RANBP2: variants seen among roughly 807,000 people sequenced by gnomAD.
RANBP2 encodes E3 SUMO-protein ligase RanBP2.
In RANBP2, 57 loss-of-function variants were observed where a neutral mutation model predicts 303.6. The observed-to-expected ratio is 0.19, with a 90% confidence interval of 0.15 to 0.23. RANBP2 has a LOEUF of 0.23. Among genes scored for constraint, RANBP2 ranks in the 10% least tolerant of loss-of-function variants. The pLI is 1.00. For synonymous variants in RANBP2, 1,167 were observed against 1,301.5 expected, an observed-to-expected ratio of 0.90 and a Z score of 2.23; for missense variants, 3,138 against 3,780.8, an observed-to-expected ratio of 0.83 and a Z score of 4.46.
chr2:109,675,414 G>T, the RANBP2 span, among the ~76,000 whole-genome samples: 4 of 152,162 alleles, frequency 2.6e-5, no homozygotes, highest in Admixed American at 1.3e-4. Flanking sequence ...AGGTGCGGTG[G>T]CTCATGCTTG....
chr2:108,910,651 C>G, the RANBP2 span: 5 of 1,413,132 alleles, frequency 3.5e-6, no homozygotes, highest in African/African-American at 2.8e-5. Context: ...TGGCACCACC[C>G]CACGGTAAGC....
Position 108,735,638 on chromosome 2 carries a change from T to A in RANBP2, c.512T>A (p.Leu171Gln). 1.3e-6 allele frequency: 2 copies of A among 1,597,628 alleles called. No individual in the cohort carries two copies. Among genetic ancestry groups the A allele is most frequent in the Non-Finnish European group, 1.7e-6 (2 of 1,179,792 alleles). Residue 171 changes from leucine to glutamine, a missense_variant, in exon 5 of 29, where the codon CTA (leucine) becomes CAA (glutamine). Leu to Gln is a moderately radical substitution (Grantham distance 113). This residue lies in a region of RANBP2 where 306 missense variants were observed against 381.9 expected (regional missense o/e 0.80). Coordinates refer to ENST00000283195, the MANE Select transcript of RANBP2 (RefSeq NM_006267.5). ...GATGACGTCCATGTGAACATCCGGCTAGTGGAGGTGTATCGCTCAACTAAA... is the reference window on the plus strand; with the variant it reads ...GATGACGTCCATGTGAACATCCGGCAAGTGGAGGTGTATCGCTCAACTAAA... ...RPDDVHVNIR[L>Q]VEVYRSTKRL...
intron 1 of RANBP2, among the ~76,000 whole-genome samples, chr2:108,725,632 C>T (rs1332120159): frequency 2.6e-5 from 4 of 151,852 alleles, no homozygotes; most frequent in Non-Finnish European, 4.4e-5. Context: ...TGGTGGCGTG[C>T]GCCTGTAGTC....
At chr2:109,122,255 G>T in the RANBP2 span, among the ~76,000 whole-genome samples, 1 of 152,246 alleles carries the variant, frequency 6.6e-6, no homozygotes, top group East Asian at 1.9e-4. Context: ...TTGCGGGCAG[G>T]TAGTTTATTT....
chr2:108,816,186 C>T, the RANBP2 span: 1 of 1,033,354 alleles, frequency 9.7e-7, no homozygotes, highest in Non-Finnish European at 1.4e-6. Context: ...CACAGTGGCT[C>T]ACGTCTATAA....
chr2:109,501,507 C>T, the RANBP2 span: 1 of 777,246 alleles, frequency 1.3e-6, no homozygotes, highest in South Asian at 1.4e-5. Context: ...CCCCAGGTAC[C>T]GCGTGGTGGT....
the RANBP2 span, among the ~76,000 whole-genome samples, chr2:108,957,593 C>T: frequency 6.6e-6 from 1 of 152,232 alleles, no homozygotes; most frequent in Non-Finnish European, 1.5e-5. Context: ...TCCACAGCCA[C>T]ACACCTGGAT....
chr2:109,490,715 C>A, the RANBP2 span: 2 of 1,534,832 alleles, frequency 1.3e-6, no homozygotes, highest in Non-Finnish European at 1.7e-6. Context: ...TGGCCGTGGA[C>A]GCCCTGCTCC....
the RANBP2 span, among the ~76,000 whole-genome samples, chr2:109,054,255 G>T: frequency 6.6e-6 from 1 of 152,196 alleles, no homozygotes; most frequent in African/African-American, 2.4e-5. Flanking sequence ...ATCAGACGTG[G>T]TCTATGCAAG....
At chr2:108,797,353 C>T in the RANBP2 span, among the ~76,000 whole-genome samples, 11 of 151,976 alleles carry the variant, frequency 7.2e-5, no homozygotes, top group East Asian at 9.6e-4. Context: ...AGGAAAGAGA[C>T]GGCAGTATAA....
the RANBP2 span, among the ~76,000 whole-genome samples, chr2:109,063,669 C>A: frequency 6.6e-6 from 1 of 152,096 alleles, no homozygotes; most frequent in African/African-American, 2.4e-5. Flanking sequence ...GATACAGATA[C>A]CCATGCATGT....
In RANBP2 at chr2:108,783,895, G is replaced by A; in HGVS notation, c.9669G>A (p.Gln3223=). The A allele has an allele frequency of 6.2e-7, 1 of 1,608,912 alleles. No homozygotes were observed. Among genetic ancestry groups the A allele is most frequent in the Non-Finnish European group, 8.5e-7 (1 of 1,175,418 alleles). ...CRRITITECG[Q]I ...GAATAACTATCACAGAATGTGGACA[G>A]ATATAAAATCATTGTTGTTCATAGA... is the stretch of plus-strand genomic sequence containing the variant. The change falls in exon 29 of 29, where the codon CAG becomes CAA. Residue 3223 remains glutamine, a synonymous_variant. Coordinates refer to ENST00000283195, the MANE Select transcript of RANBP2 (RefSeq NM_006267.5).
the RANBP2 span, among the ~76,000 whole-genome samples, chr2:108,996,565 G>A: frequency 6.6e-6 from 1 of 152,218 alleles, no homozygotes; most frequent in African/African-American, 2.4e-5. Context: ...GGATCTAGGG[G>A]ATTCACTGAC....
At chr2:109,152,279 C>T in the RANBP2 span, among the ~76,000 whole-genome samples, 4,632 of 152,258 alleles carry the variant, frequency 0.03, 220 homozygotes, top group African/African-American at 0.1. Flanking sequence ...GGGCATGTTC[C>T]CCTTGTTGTT....
At chr2:109,700,063 C>T in the RANBP2 span, among the ~76,000 whole-genome samples, 22 of 152,270 alleles carry the variant, frequency 1.4e-4, 2 homozygotes, top group South Asian at 4.6e-3. Context: ...TGGGTGGAGG[C>T]TGACATTCTG....
the RANBP2 span, among the ~76,000 whole-genome samples, chr2:108,795,445 C>T: frequency 6.6e-6 from 1 of 152,170 alleles, no homozygotes; most frequent in Non-Finnish European, 1.5e-5. Flanking sequence ...GCGTGAGCCA[C>T]AGTGCCCAGC....
chr2:109,213,229 C>T, the RANBP2 span, among the ~76,000 whole-genome samples: 1 of 152,170 alleles, frequency 6.6e-6, no homozygotes, highest in Non-Finnish European at 1.5e-5. Context: ...CCCAGGGCTG[C>T]TTCTGAGCTC....
At chr2:109,059,475 T>C in the RANBP2 span, among the ~76,000 whole-genome samples, 1 of 151,704 alleles carries the variant, frequency 6.6e-6, no homozygotes, top group Non-Finnish European at 1.5e-5. Flanking sequence ...CTCAGGAGGC[T>C]GAGGCAGGAG....
At chr2:109,646,560 C>T in the RANBP2 span, among the ~76,000 whole-genome samples, 2 of 151,790 alleles carry the variant, frequency 1.3e-5, no homozygotes, top group African/African-American at 2.4e-5. Flanking sequence ...GGCACAATCT[C>T]GGCTCACTGC....
Sources: allele counts gnomAD v4.1 joint callset (sites outside exome capture counted in the v4.1 genomes callset), GRCh38; gene constraint gnomAD v4.1.1; regional missense constraint gnomAD v4.1.1; transcripts MANE v1.5; gene names NCBI Gene and HGNC (gene_info 2026-07-23, HGNC 2026-07-21).